Variants in NHSL1 observed in about 807,000 individuals in gnomAD.
NHSL1 encodes NHS like 1, also known as NHS-like protein 1.
A neutral mutation model predicts 95.0 loss-of-function variants in NHSL1; 48 were observed. The ratio of observed to expected loss-of-function variants is 0.51; its 90% CI spans 0.40 to 0.64. NHSL1 has a LOEUF of 0.64. NHSL1 is among the 30% of genes least tolerant of loss of function. The probability of loss-of-function intolerance (pLI) is 0.00; values close to 1 mark genes in which losing one functional copy is unlikely to be tolerated. For synonymous variants in NHSL1, 783 were observed against 833.9 expected (o/e 0.94, Z 1.05); for missense variants, 1,971 against 2,077.7 (o/e 0.95, Z 1.00).
At chr6:138,512,506 G>C (rs1781278299) in intron 1 of NHSL1, 2 of 172,562 alleles carry the variant, frequency 1.2e-5, no homozygotes, top group South Asian at 2.2e-4. Flanking sequence ...GAACTTTCTA[G>C]CTTTACTTGA....
chr6:138,491,587 T>C (rs1391245209), intron 2 of NHSL1, among the ~76,000 whole-genome samples: 1 of 152,180 alleles, frequency 6.6e-6, no homozygotes, highest in East Asian at 1.9e-4. Context: ...CAATGATGGA[T>C]GTAAAAAGGG....
At chr6:138,472,987 G>A (rs924590869) in intron 3 of NHSL1, among the ~76,000 whole-genome samples, 3 of 152,266 alleles carry the variant, frequency 2.0e-5, no homozygotes, top group African/African-American at 4.8e-5. Flanking sequence ...GAATATTTGA[G>A]ATGCACAAAT....
At chr6:138,549,290 G>A (rs1231752782), upstream of NHSL1, among the ~76,000 whole-genome samples, 1 of 152,220 alleles carries the variant, frequency 6.6e-6, no homozygotes, top group African/African-American at 2.4e-5. Context: ...GGCTGAGGCA[G>A]GAGAATTGCT....
chr6:138,607,658 G>A (rs1173859798), intron 1 of NHSL1, among the ~76,000 whole-genome samples: 4 of 152,172 alleles, frequency 2.6e-5, no homozygotes, highest in South Asian at 2.1e-4. Flanking sequence ...AAAAGCTGTG[G>A]CCAATGCCTC....
At chr6:138,577,543 G>A (rs1250747901) in intron 1 of NHSL1, among the ~76,000 whole-genome samples, 1 of 152,214 alleles carries the variant, frequency 6.6e-6, no homozygotes, top group Non-Finnish European at 1.5e-5. Context: ...AGACAAAGGT[G>A]CAAAGAGAAC....
At chr6:138,551,243 T>C (rs1782989791) in intron 1 of NHSL1, among the ~76,000 whole-genome samples, 1 of 152,188 alleles carries the variant, frequency 6.6e-6, no homozygotes, top group Non-Finnish European at 1.5e-5. Context: ...CACTGGGTGA[T>C]CTTCGAACGT....
chr6:138,489,937 G>A (rs1583291166), intron 2 of NHSL1, among the ~76,000 whole-genome samples: 1 of 44,134 alleles, frequency 2.3e-5, no homozygotes, highest in Non-Finnish European at 3.9e-5. Context: ...GGAGACAGGG[G>A]GAGAGAGGGA....
At chr6:138,557,067 C>T (rs373236304) in intron 1 of NHSL1, among the ~76,000 whole-genome samples, 47 of 152,224 alleles carry the variant, frequency 3.1e-4, no homozygotes, top group African/African-American at 8.2e-4. Flanking sequence ...CTTGAAAACT[C>T]GGAGTGATTT....
At chr6:138,658,979 C>A (rs1785190612) in intron 1 of NHSL1, among the ~76,000 whole-genome samples, 1 of 150,986 alleles carries the variant, frequency 6.6e-6, no homozygotes, top group Non-Finnish European at 1.5e-5. Flanking sequence ...CAAACATTGA[C>A]ATATACTGAC....
chr6:138,455,495 AGCCCCGCCTTCACATGCTCCCTGCAAGG>A (rs1465503806), intron 3 of NHSL1, among the ~76,000 whole-genome samples: 13,000 of 99,500 alleles, frequency 0.13, 1,749 homozygotes, highest in African/African-American at 0.31. Flanking sequence ...CCCTGCAAGG[AGCCCCGCCTTCACATGCTCCCTGCAAGG>A]AGCCCCGCCT....
At chr6:138,626,523 G>C (rs935870775) in intron 1 of NHSL1, among the ~76,000 whole-genome samples, 1 of 152,088 alleles carries the variant, frequency 6.6e-6, no homozygotes, top group Non-Finnish European at 1.5e-5. Context: ...ACACCTCTTC[G>C]AGCCCATGGT....
At position 138,431,400 on chromosome 6, in the gene NHSL1, A is replaced by G. The variant is rs1206263978; in HGVS notation, c.2945T>C (p.Phe982Ser). 1.3e-6 allele frequency: 2 copies of G among 1,549,952 alleles called. No individual in the cohort carries two copies. The highest frequency in any genetic ancestry group is 4.9e-5 in the East Asian group (2 of 40,892). ...PPPPPEALIPFCSPPDWCLSP... is the reference protein window; with the variant it reads ...PPPPPEALIPSCSPPDWCLSP... Reference sequence around the variant, plus strand: ...AAGGCACCAATCAGGTGGGGAGCAGAAAGGAATGAGAGCTTCTGGCGGCGG... The same window carrying G: ...AAGGCACCAATCAGGTGGGGAGCAGGAAGGAATGAGAGCTTCTGGCGGCGG... The change falls in exon 6 of 8, where the codon TTC becomes TCC. Residue 982 changes from phenylalanine to serine, a missense_variant. Physicochemically the swap from Phe to Ser is radical, Grantham distance 155. Around this residue, in one of 3 missense-constraint regions of NHSL1, gnomAD observed 1,602 missense variants for 1,654.5 expected, o/e 0.97. Transcript: ENST00000343505. The surrounding 1 kb of genome is among the most constrained non-coding windows in gnomAD (Gnocchi z 4.0).
chr6:138,493,649 G>A (rs1780196735), intron 2 of NHSL1, among the ~76,000 whole-genome samples: 1 of 152,244 alleles, frequency 6.6e-6, no homozygotes, highest in African/African-American at 2.4e-5. Context: ...AAATGCTAAT[G>A]AGGCACTGCC....
intron 1 of NHSL1, among the ~76,000 whole-genome samples, chr6:138,578,537 T>A (rs1784004283): frequency 6.6e-6 from 1 of 152,188 alleles, no homozygotes; most frequent in Non-Finnish European, 1.5e-5. Context: ...ATTCTTCTAA[T>A]ATAAGAAGAC....
intron 1 of NHSL1, among the ~76,000 whole-genome samples, chr6:138,509,618 A>C (rs543010048): frequency 1.3e-5 from 2 of 152,218 alleles, no homozygotes; most frequent in Non-Finnish European, 2.9e-5. Flanking sequence ...CATGAAAATG[A>C]TTCCCTCAGC....
At chr6:138,428,114 T>G (rs1775382931) in intron 7 of NHSL1, among the ~76,000 whole-genome samples, 1 of 152,208 alleles carries the variant, frequency 6.6e-6, no homozygotes, top group South Asian at 2.1e-4. Context: ...TGCAGTAATT[T>G]GGACCCACAA....
intron 3 of NHSL1, among the ~76,000 whole-genome samples, chr6:138,458,853 A>T (rs58399905): frequency 6.6e-6 from 1 of 150,414 alleles, no homozygotes; most frequent in Non-Finnish European, 1.5e-5. Flanking sequence ...AAAAAAAAAA[A>T]CCCAGAAAAA....
chr6:138,571,585 C>T, intron 1 of NHSL1: 1 of 867,158 alleles, frequency 1.2e-6, no homozygotes, highest in Non-Finnish European at 1.7e-6. Context: ...AATTCCAATA[C>T]AAAAACAAAC....
intron 1 of NHSL1, chr6:138,650,971 C>T: frequency 1.9e-6 from 1 of 520,276 alleles, no homozygotes; most frequent in South Asian, 1.4e-5. Flanking sequence ...TCCTCCCCAG[C>T]ACATAAGGCT....
Sources: allele counts gnomAD v4.1 joint callset (sites outside exome capture counted in the v4.1 genomes callset), GRCh38; gene constraint gnomAD v4.1.1; regional missense constraint gnomAD v4.1.1; non-coding constraint Gnocchi (gnomAD v3.1); transcripts MANE v1.5; gene names NCBI Gene and HGNC (gene_info 2026-07-23, HGNC 2026-07-21).